Variants in DGKB observed in about 807,000 individuals in gnomAD.
DGKB encodes the protein diacylglycerol kinase beta.
A neutral mutation model predicts 114.3 loss-of-function variants in DGKB; 67 were observed. The ratio of observed to expected loss-of-function variants is 0.59; its 90% CI spans 0.48 to 0.72. The LOEUF (loss-of-function observed/expected upper bound fraction) is 0.72. Among genes scored for constraint, DGKB ranks in the 30% least tolerant of loss-of-function variants. DGKB has a pLI of 0.00. For synonymous variants in DGKB, 398 were observed against 323.1 expected (o/e 1.23, Z -2.49); for missense variants, 907 against 975.2 (o/e 0.93, Z 0.93).
intron 2 of DGKB, among the ~76,000 whole-genome samples, chr7:14,806,356 C>T (rs888283828): frequency 2.6e-5 from 4 of 151,922 alleles, no homozygotes; most frequent in Non-Finnish European, 4.4e-5. Context: ...ATAGAGTCTA[C>T]AATAAAATTG....
At chr7:14,343,554 T>C (rs955691613) in intron 22 of DGKB, among the ~76,000 whole-genome samples, 1 of 151,716 alleles carries the variant, frequency 6.6e-6, no homozygotes, top group African/African-American at 2.4e-5. Context: ...TTGTGACACA[T>C]AGAATCTTAT....
At chr7:14,379,606 C>G (rs1464853110) in intron 21 of DGKB, among the ~76,000 whole-genome samples, 1 of 152,048 alleles carries the variant, frequency 6.6e-6, no homozygotes, top group Admixed American at 6.6e-5. Context: ...GCGGCCCAGG[C>G]TGGAGTGCAG....
At chr7:14,527,409 A>G (rs1294837740) in intron 20 of DGKB, among the ~76,000 whole-genome samples, 1 of 152,104 alleles carries the variant, frequency 6.6e-6, no homozygotes, top group Non-Finnish European at 1.5e-5. Context: ...AGCTCTATCA[A>G]AAGCTGTGGG....
intron 1 of DGKB, among the ~76,000 whole-genome samples, chr7:14,879,184 CAAAT>C (rs1853830987): frequency 1.3e-5 from 2 of 151,782 alleles, no homozygotes; most frequent in South Asian, 4.1e-4. Context: ...CAAATAATGA[CAAAT>C]AAAAATAATC....
At chr7:14,344,963 T>C (rs1812237682) in intron 22 of DGKB, among the ~76,000 whole-genome samples, 1 of 151,704 alleles carries the variant, frequency 6.6e-6, no homozygotes. Context: ...CCGAAAATAA[T>C]ATTTTTTATG....
At chr7:14,906,288 T>A (rs2128241817), upstream of DGKB, among the ~76,000 whole-genome samples, 1 of 151,998 alleles carries the variant, frequency 6.6e-6, no homozygotes, top group African/African-American at 2.4e-5. Flanking sequence ...TGGCCTTATA[T>A]CAAGGATTAC....
intron 23 of DGKB, among the ~76,000 whole-genome samples, chr7:14,228,042 C>T (rs1791097371): frequency 1.3e-5 from 2 of 152,056 alleles, no homozygotes; most frequent in African/African-American, 4.8e-5. Flanking sequence ...TTTAACCCAT[C>T]TTATCCTATA....
At chr7:14,265,970 G>A (rs534492720) in intron 23 of DGKB, among the ~76,000 whole-genome samples, 1 of 152,274 alleles carries the variant, frequency 6.6e-6, no homozygotes, top group Admixed American at 6.5e-5. Context: ...TGGCGAAAGA[G>A]GGTAGCCTAT....
At chr7:14,323,064 AAT>A (rs1808102576) in intron 23 of DGKB, among the ~76,000 whole-genome samples, 1 of 152,154 alleles carries the variant, frequency 6.6e-6, no homozygotes, top group South Asian at 2.1e-4. Flanking sequence ...TACCCAGAAA[AAT>A]ATATAATCTT....
At chr7:14,973,348 A>G (rs1227578666) in intron 1 of DGKB, among the ~76,000 whole-genome samples, 1 of 151,814 alleles carries the variant, frequency 6.6e-6, no homozygotes, top group Non-Finnish European at 1.5e-5. Context: ...AGCCACAGTC[A>G]GTATAAGTTA....
intron 23 of DGKB, among the ~76,000 whole-genome samples, chr7:14,222,035 T>G (rs1790062203): frequency 6.6e-6 from 1 of 151,376 alleles, no homozygotes; most frequent in Admixed American, 6.6e-5. Flanking sequence ...AGTTTGAATC[T>G]TCTCTTTTTC....
intron 23 of DGKB, among the ~76,000 whole-genome samples, chr7:14,253,960 T>C (rs1433733421): frequency 2.6e-5 from 4 of 152,332 alleles, no homozygotes; most frequent in South Asian, 4.1e-4. Flanking sequence ...GTGTTATTTA[T>C]AACTGTCCAA....
At chr7:14,672,346 C>A (rs1046694686) in intron 13 of DGKB, among the ~76,000 whole-genome samples, 1 of 152,026 alleles carries the variant, frequency 6.6e-6, no homozygotes, top group Admixed American at 6.6e-5. Flanking sequence ...GCTTCTCTTC[C>A]TACCAAGGTT....
chr7:14,530,547 T>C (rs1791411988), intron 20 of DGKB, among the ~76,000 whole-genome samples: 1 of 151,496 alleles, frequency 6.6e-6, no homozygotes, highest in Non-Finnish European at 1.5e-5. Flanking sequence ...GAAAATTGGA[T>C]CACATATATT....
rs539154212 is a variant in DGKB at position 14,279,724 on chromosome 7, G to A, written c.2122+58791C>T. Among the ~76,000 whole-genome samples the A allele has an allele frequency of 2.8e-4, 43 of 151,960 alleles. 2 individuals are homozygous for A. The South Asian group carries it at 8.7e-3, about 31-fold the overall frequency. ...CCCCTGACCCCCGAGCAGCCTAACT[G>A]GGAGGCACCCTCCAGCAGGGGCACA... On this transcript the variant is annotated intron_variant, in intron 23 of 25. Transcript: ENST00000402815.
chr7:14,542,291 T>C (rs1303618268), intron 20 of DGKB, among the ~76,000 whole-genome samples: 2 of 152,190 alleles, frequency 1.3e-5, no homozygotes, highest in Non-Finnish European at 2.9e-5. Context: ...TCCAAAGTGC[T>C]GGTGCAAGCC....
At chr7:14,390,339 T>G (rs1200501475) in intron 21 of DGKB, among the ~76,000 whole-genome samples, 3 of 152,198 alleles carry the variant, frequency 2.0e-5, no homozygotes, top group African/African-American at 7.2e-5. Flanking sequence ...AATTTTACTT[T>G]AATAATTTAA....
chr7:14,190,655 G>A (rs962293161), intron 23 of DGKB: 2 of 151,750 alleles, frequency 1.3e-5, no homozygotes, highest in Non-Finnish European at 2.9e-5. Context: ...CCACAAGCTA[G>A]GCTAACTAAA....
intron 1 of DGKB, among the ~76,000 whole-genome samples, chr7:14,927,601 A>T (rs1308900865): frequency 1.3e-5 from 2 of 149,268 alleles, no homozygotes; most frequent in East Asian, 3.8e-4. Flanking sequence ...TATTAAAATA[A>T]AGGTTGAATT....
Sources: allele counts gnomAD v4.1 joint callset (sites outside exome capture counted in the v4.1 genomes callset), GRCh38; gene constraint gnomAD v4.1.1; transcripts MANE v1.5; gene names NCBI Gene and HGNC (gene_info 2026-07-23, HGNC 2026-07-21).